Variants in TTC7A observed in about 807,000 individuals in gnomAD.
TTC7A encodes tetratricopeptide repeat protein 7A.
TTC7A carries 110 observed loss-of-function variants against 103.7 expected under a neutral mutation model. That is an observed-to-expected ratio of 1.06 (90% CI 0.91 to 1.24). TTC7A has a LOEUF of 1.24. Ranked by LOEUF, TTC7A falls within the 50% of genes most tolerant of loss-of-function variation. The pLI is 0.00. For missense variants in TTC7A, 1,340 were observed against 1,116.3 expected (o/e 1.20, Z -2.86); for synonymous variants, 521 against 467.9 (o/e 1.11, Z -1.47).
At chr2:47,009,695 G>C (rs1677818342) in intron 10 of TTC7A, among the ~76,000 whole-genome samples, 1 of 152,018 alleles carries the variant, frequency 6.6e-6, no homozygotes, top group Admixed American at 6.6e-5. Context: ...CTCCAGAGTT[G>C]CTGGGGGGAT....
chr2:47,052,490 T>C (rs974529749), intron 18 of TTC7A, among the ~76,000 whole-genome samples: 2 of 152,070 alleles, frequency 1.3e-5, no homozygotes, highest in African/African-American at 4.8e-5. Context: ...CAGCAAAAGG[T>C]GTTTGGCTTC....
rs566566563 is a variant in TTC7A, at chr2:46,929,220, A to G, written c.82+11943A>G. Among the ~76,000 whole-genome samples, 98 of 152,220 alleles carry G rather than the reference A, an allele frequency of 6.4e-4. No individual in the cohort carries two copies. In the Middle Eastern group the frequency reaches 0.01, roughly 16 times the overall value. Reference sequence around the variant, plus strand: ...ACTTCTAGGCTGGGTACAGTGGCTCATGCATGTAATCCTAGCACTTTGGGA... The same window carrying G: ...ACTTCTAGGCTGGGTACAGTGGCTCGTGCATGTAATCCTAGCACTTTGGGA... On this transcript the variant is annotated intron_variant, in intron 2 of 20. Transcript: ENST00000409245.
rs374954171 is a variant in TTC7A at position 46,978,809 on chromosome 2, G to T, written c.666G>T (p.Thr222=). The T allele has an allele frequency of 3.5e-5, 57 of 1,613,800 alleles. No individual in the cohort carries two copies. Among genetic ancestry groups the T allele is most frequent in the Non-Finnish European group, 4.6e-5 (54 of 1,179,924 alleles). ...CTTCCCAGACCACAAATAACAGCAC[G>T]TCGAGGCATCTGAAAGGCTGTCACC... The part of the protein sequence containing the change: ...QELEKTTNNS[T]SRHLKGCHPL... Residue 222 remains threonine (T), a synonymous_variant, in exon 5 of 20, where the codon ACG becomes ACT. Transcript: ENST00000319190.
intron 3 of TTC7A, chr2:46,958,466 C>A (rs775066432): frequency 3.1e-6 from 4 of 1,303,004 alleles, no homozygotes; most frequent in Non-Finnish European, 3.0e-6. Flanking sequence ...ATGGATTGCC[C>A]CCTGTCTCCT....
At chr2:47,072,771 G>C (rs544591456) in intron 19 of TTC7A, among the ~76,000 whole-genome samples, 1 of 151,178 alleles carries the variant, frequency 6.6e-6, no homozygotes, top group Non-Finnish European at 1.5e-5. Context: ...TCAGTGGGAC[G>C]GCATGAAGCA....
chr2:47,006,574 G>T lies in TTC7A; in HGVS notation c.1204-67G>T, dbSNP rs1463604233. 13 of 1,398,350 alleles carry T rather than the reference G, an allele frequency of 9.3e-6. No individual in the cohort carries two copies. In the Middle Eastern group the frequency reaches 8.8e-4, roughly 95 times the overall value. 86.6% of individuals were successfully genotyped at this position (1,398,350 alleles called of 1,614,324 possible). ...GGTGACTTGGGCAGTAACTACCCTG[G>T]AAGGGTGCGGATGGCTGGGGTGGGA... On this transcript the variant is annotated intron_variant, in intron 9 of 19. Coordinates refer to ENST00000319190, the MANE Select transcript of TTC7A (RefSeq NM_020458.4).
chr2:46,954,729 G>T (rs903700543), intron 2 of TTC7A, among the ~76,000 whole-genome samples: 57 of 151,768 alleles, frequency 3.8e-4, no homozygotes, highest in African/African-American at 1.3e-3. Context: ...CCACCACCAC[G>T]CCCGGATAAT....
At chr2:47,056,254 G>C (rs1683303665) in intron 18 of TTC7A, among the ~76,000 whole-genome samples, 1 of 152,232 alleles carries the variant, frequency 6.6e-6, no homozygotes, top group African/African-American at 2.4e-5. Context: ...TATATGCTCT[G>C]AGTGTCTGAT....
intron 5 of TTC7A, among the ~76,000 whole-genome samples, chr2:46,980,436 T>G (rs183030810): frequency 6.6e-6 from 1 of 152,150 alleles, no homozygotes; most frequent in African/African-American, 2.4e-5. Flanking sequence ...GGTCTCAAAC[T>G]CTTGGACTCA....
chr2:47,031,069 T>C (rs1047749346), intron 15 of TTC7A, among the ~76,000 whole-genome samples: 2 of 152,038 alleles, frequency 1.3e-5, no homozygotes, highest in East Asian at 3.9e-4. Flanking sequence ...ATCACTTGAA[T>C]CTGGGAGGCA....
At chr2:46,993,686 C>G (rs1675863250) in intron 6 of TTC7A, among the ~76,000 whole-genome samples, 158 bp downstream of exon 6, 1 of 152,208 alleles carries the variant, frequency 6.6e-6, no homozygotes, top group Non-Finnish European at 1.5e-5. Flanking sequence ...CTTTCCCACG[C>G]AGCCAGGGAG....
chr2:47,002,814 T>A (rs17036039), intron 8 of TTC7A, among the ~76,000 whole-genome samples: 1 of 151,984 alleles, frequency 6.6e-6, no homozygotes, highest in Non-Finnish European at 1.5e-5. Context: ...AATATTTCAC[T>A]TCGGCCCTGC....
intron 3 of TTC7A, among the ~76,000 whole-genome samples, chr2:46,972,127 G>T (rs922330440): frequency 5.9e-5 from 9 of 151,854 alleles, no homozygotes; most frequent in African/African-American, 2.2e-4. Context: ...TCTCTGTCAT[G>T]TCATGTCTTT....
intron 5 of TTC7A, among the ~76,000 whole-genome samples, chr2:46,979,613 C>T (rs963078020): frequency 5.9e-5 from 9 of 151,994 alleles, no homozygotes; most frequent in Non-Finnish European, 1.0e-4. Flanking sequence ...GGTGTTAGGC[C>T]GGGAGTGGTT....
intron 2 of TTC7A, among the ~76,000 whole-genome samples, chr2:46,922,216 G>C (rs962744875): frequency 1.3e-5 from 2 of 152,160 alleles, no homozygotes; most frequent in Non-Finnish European, 2.9e-5. Context: ...GTGCCAGGCT[G>C]ATACTATAAT....
chr2:47,021,881 T>G lies in TTC7A; in HGVS notation c.1412T>G (p.Phe471Cys). 1 of 1,614,136 alleles carries G rather than the reference T, an allele frequency of 6.2e-7. No homozygotes were observed. The highest frequency in any genetic ancestry group is 8.5e-7 in the Non-Finnish European group (1 of 1,179,982). Residue 471 changes from phenylalanine (F) to cysteine (C), a missense_variant, in exon 12 of 20, where the codon TTT (phenylalanine) becomes TGT (cysteine). Transcript: ENST00000319190. Reference sequence around the variant, plus strand: ...TTGCAGCTAGAGGAAGCAGAGCACTTTGCCATGATGGTGATCAGCCTCGGA... The same window carrying G: ...TTGCAGCTAGAGGAAGCAGAGCACTGTGCCATGATGGTGATCAGCCTCGGA... Reference protein sequence around the residue: ...SLRWLEEAEHFAMMVISLGEE... With the variant: ...SLRWLEEAEHCAMMVISLGEE...
At position 46,994,431 on chromosome 2, in the gene TTC7A, C is replaced by T; in HGVS notation, c.918C>T (p.His306=). Residue 306 remains histidine (H), a synonymous_variant, in exon 7 of 20, where the codon CAC becomes CAT. Coordinates refer to ENST00000319190, the MANE Select transcript of TTC7A (RefSeq NM_020458.4). ...SEECYWSPLS[H]PLPEFMGKEE... is the part of the protein sequence containing the mutation. ...AGTGCTACTGGAGCCCCCTGTCCCA[C>T]CCTCTGCCTGAGTTCATGGGCAAGG... The T allele has an allele frequency of 1.2e-6, 2 of 1,614,122 alleles. No individual in the cohort carries two copies. Among genetic ancestry groups the T allele is most frequent in the South Asian group, 2.2e-5 (2 of 91,086 alleles).
chr2:47,028,807 C>T (rs1352160023), intron 14 of TTC7A, among the ~76,000 whole-genome samples: 1 of 152,208 alleles, frequency 6.6e-6, no homozygotes, highest in Non-Finnish European at 1.5e-5. Context: ...CTTGCCTCTG[C>T]ACACTTCCCT....
chr2:47,036,554 G>A (rs1190607507), intron 15 of TTC7A, among the ~76,000 whole-genome samples: 2 of 152,196 alleles, frequency 1.3e-5, no homozygotes. Flanking sequence ...CTTTCAGGGA[G>A]GGTAAGGCCT....
Sources: gnomAD v4.1 joint callset for allele counts (sites outside exome capture counted in the v4.1 genomes callset) on GRCh38, gnomAD v4.1.1 for gene constraint, MANE v1.5 for transcripts, NCBI Gene and HGNC (gene_info 2026-07-23, HGNC 2026-07-21) for gene names.